The following SLIT3 variants were observed in gnomAD, a reference collection of about 807,000 sequenced individuals.
SLIT3 encodes the protein slit guidance ligand 3.
SLIT3 carries 68 observed loss-of-function variants against 184.0 expected under a neutral mutation model. The observed-to-expected ratio is 0.37, with a 90% confidence interval of 0.30 to 0.45. The LOEUF (loss-of-function observed/expected upper bound fraction) is 0.45, where lower values mean the gene tolerates loss of function less well. Ranked by LOEUF, SLIT3 falls within the 20% of genes least tolerant of loss-of-function variation. The pLI is 1.00. For missense variants in SLIT3, 1,707 were observed against 2,026.0 expected, an observed-to-expected ratio of 0.84 and a Z score of 3.02; for synonymous variants, 831 against 828.6, an observed-to-expected ratio of 1.00 and a Z score of -0.05.
At chr5:168,888,201 C>T (rs1381860663) in intron 4 of SLIT3, among the ~76,000 whole-genome samples, 1 of 152,188 alleles carries the variant, frequency 6.6e-6, no homozygotes, top group African/African-American at 2.4e-5. Context: ...GAAGTCTTGG[C>T]CTTAGCCCAA....
chr5:169,233,271 C>T (rs1277324132), intron 3 of SLIT3, among the ~76,000 whole-genome samples: 2 of 152,210 alleles, frequency 1.3e-5, no homozygotes, highest in African/African-American at 2.4e-5. Flanking sequence ...GATCTGCCCA[C>T]CTCGGCTTCC....
At chr5:169,233,404 CTTT>C (rs70979127) in intron 3 of SLIT3, among the ~76,000 whole-genome samples, 15 of 145,394 alleles carry the variant, frequency 1.0e-4, no homozygotes, top group East Asian at 4.1e-4. Context: ...TAGAAATTGT[CTTT>C]TTTTTTTTTT....
At chr5:168,738,738 A>G (rs1763517458) in intron 20 of SLIT3, among the ~76,000 whole-genome samples, 1 of 152,168 alleles carries the variant, frequency 6.6e-6, no homozygotes, top group Non-Finnish European at 1.5e-5. Flanking sequence ...GGAGATCGAG[A>G]CCATCCTGGC....
intron 4 of SLIT3, among the ~76,000 whole-genome samples, chr5:169,138,295 G>T (rs548297580): frequency 1.3e-5 from 2 of 152,192 alleles, no homozygotes; most frequent in South Asian, 2.1e-4. Flanking sequence ...CCAATGACTG[G>T]TGGACGGAAA....
chr5:168,905,619 T>G (rs768476815), intron 4 of SLIT3, among the ~76,000 whole-genome samples: 1 of 152,180 alleles, frequency 6.6e-6, no homozygotes, highest in Non-Finnish European at 1.5e-5. Flanking sequence ...GGTACTGCTA[T>G]TCTGGTTTTA....
intron 16 of SLIT3, among the ~76,000 whole-genome samples, chr5:168,754,480 C>T (rs1221535255): frequency 1.3e-5 from 2 of 152,000 alleles, no homozygotes; most frequent in African/African-American, 4.8e-5. Context: ...TTACCAGAGG[C>T]TGGGAAGGTT....
In SLIT3 at chr5:169,185,237, G is replaced by A. The variant is rs143457252; in HGVS notation, c.413+8242C>T. On this transcript the variant is annotated intron_variant, in intron 4 of 35. Coordinates refer to ENST00000519560, the MANE Select transcript of SLIT3 (RefSeq NM_003062.4). Reference sequence around the variant, plus strand: ...AAGGCTGGCCTCACTGCAGTGTTCAGCGTTTGGGGGAACAAGGAGAAAAAT... The same window carrying A: ...AAGGCTGGCCTCACTGCAGTGTTCAACGTTTGGGGGAACAAGGAGAAAAAT... Among the ~76,000 whole-genome samples, 359 of 152,332 alleles carry A rather than the reference G, an allele frequency of 2.4e-3. 2 individuals are homozygous for A. Among genetic ancestry groups the A allele is most frequent in the African/African-American group, 8.0e-3 (333 of 41,560 alleles).
At chr5:168,912,118 T>C (rs1328628281) in intron 4 of SLIT3, among the ~76,000 whole-genome samples, 1 of 152,236 alleles carries the variant, frequency 6.6e-6, no homozygotes, top group Non-Finnish European at 1.5e-5. Context: ...GAGGTTTTTA[T>C]GATGACCCAC....
intron 4 of SLIT3, among the ~76,000 whole-genome samples, chr5:169,114,257 C>A (rs544730630): frequency 1.3e-5 from 2 of 152,168 alleles, no homozygotes; most frequent in Non-Finnish European, 2.9e-5. Context: ...CCGGATGCCA[C>A]GTGTTAAAGA....
intron 20 of SLIT3, among the ~76,000 whole-genome samples, chr5:168,726,002 T>C (rs1468088893): frequency 6.6e-6 from 1 of 152,166 alleles, no homozygotes; most frequent in Non-Finnish European, 1.5e-5. Flanking sequence ...GGACTGGACC[T>C]AATAAGGTCT....
At chr5:168,963,256 C>G (rs1447536937) in intron 4 of SLIT3, among the ~76,000 whole-genome samples, 1 of 152,180 alleles carries the variant, frequency 6.6e-6, no homozygotes, top group African/African-American at 2.4e-5. Context: ...ACTGCAACCT[C>G]CATCTCCTGG....
chr5:169,285,455 T>C (rs1473531274), intron 1 of SLIT3, among the ~76,000 whole-genome samples: 1 of 152,180 alleles, frequency 6.6e-6, no homozygotes, highest in African/African-American at 2.4e-5. Flanking sequence ...ACTATATAGC[T>C]GTGGAGGTTT....
chr5:169,210,691 T>C (rs1490010379), intron 3 of SLIT3, among the ~76,000 whole-genome samples: 1 of 151,792 alleles, frequency 6.6e-6, no homozygotes, highest in African/African-American at 2.4e-5. Flanking sequence ...GGACCAGAGG[T>C]AGGAATGAAT....
At chr5:169,040,547 C>G (rs1757414021) in intron 4 of SLIT3, among the ~76,000 whole-genome samples, 1 of 152,206 alleles carries the variant, frequency 6.6e-6, no homozygotes, top group African/African-American at 2.4e-5. Context: ...TTAATTTCCT[C>G]TCCTCTTTGG....
At chr5:168,917,958 T>C (rs915258613) in intron 4 of SLIT3, among the ~76,000 whole-genome samples, 1 of 151,978 alleles carries the variant, frequency 6.6e-6, no homozygotes, top group Admixed American at 6.6e-5. Flanking sequence ...AAAGAGGGAG[T>C]ATGGATTATC....
intron 14 of SLIT3, among the ~76,000 whole-genome samples, chr5:168,770,398 T>C (rs764552544): frequency 3.9e-5 from 6 of 152,176 alleles, no homozygotes; most frequent in Non-Finnish European, 8.8e-5. Context: ...ATCTGTCACA[T>C]CCAGTCTGTG....
intron 3 of SLIT3, among the ~76,000 whole-genome samples, chr5:169,219,326 G>A (rs1026444700): frequency 1.3e-5 from 2 of 152,218 alleles, no homozygotes; most frequent in African/African-American, 4.8e-5. Context: ...TAAGTACATT[G>A]TAGGTTTTAA....
intron 7 of SLIT3, among the ~76,000 whole-genome samples, chr5:168,821,639 G>C (rs1339095318): frequency 2.0e-5 from 3 of 152,190 alleles, no homozygotes; most frequent in Non-Finnish European, 4.4e-5. Flanking sequence ...GAAAGAATTT[G>C]GGAAGCAAAG....
intron 3 of SLIT3, 81 bp downstream of exon 3, chr5:169,244,624 T>C (rs1246277160): frequency 7.6e-7 from 1 of 1,321,446 alleles, no homozygotes; most frequent in East Asian, 2.4e-5. Context: ...ATAAGGCCAA[T>C]TTACAAAAAC....
Sources: allele counts gnomAD v4.1 joint callset (sites outside exome capture counted in the v4.1 genomes callset), GRCh38; gene constraint gnomAD v4.1.1; transcripts MANE v1.5; gene names NCBI Gene and HGNC (gene_info 2026-07-23, HGNC 2026-07-21).